Variants in ADGRV1 observed in about 807,000 individuals in gnomAD.
ADGRV1 encodes adhesion G protein-coupled receptor V1.
Under a neutral mutation model 596.2 loss-of-function variants are expected in ADGRV1, and 359 were observed. The observed-to-expected ratio is 0.60, with a 90% CI of 0.55 to 0.66. ADGRV1 has a LOEUF of 0.66. Ranked by LOEUF, ADGRV1 falls within the 30% of genes least tolerant of loss-of-function variation. The probability of loss-of-function intolerance (pLI) is 0.00; values close to 1 mark genes in which losing one functional copy is unlikely to be tolerated. For missense variants in ADGRV1, 7,274 were observed against 7,575.6 expected, an observed-to-expected ratio of 0.96 and a Z score of 1.48; for synonymous variants, 2,681 against 2,679.2, an observed-to-expected ratio of 1.00 and a Z score of -0.02.
At chr5:90,906,515 A>G (rs1772339664) in intron 83 of ADGRV1, among the ~76,000 whole-genome samples, 2 of 152,252 alleles carry the variant, frequency 1.3e-5, no homozygotes, top group East Asian at 1.9e-4. Context: ...ATTGGCATAT[A>G]GTTTCTCATA....
In ADGRV1 at chr5:90,840,845, G is replaced by A. The variant is rs746252159; in HGVS notation, c.16879G>A (p.Ala5627Thr). Residue 5627 changes from alanine (A) to threonine (T), a missense_variant, in exon 78 of 90, where the codon GCC (alanine) becomes ACC (threonine). By Grantham distance (58) the Ala-to-Thr change is moderately conservative. Transcript: ENST00000405460. ...TCTTGTCTCAGATGCAGATTCGCAGGCCATTTGGGGGCTTGCAGATCAGCT... is the reference window on the plus strand; with the variant it reads ...TCTTGTCTCAGATGCAGATTCGCAGACCATTTGGGGGCTTGCAGATCAGCT... ...ITLVSDADSQ[A>T]IWGLADQLHQ... is the part of the protein sequence containing the mutation. 1 of 1,613,176 alleles carries A rather than the reference G, an allele frequency of 6.2e-7. No individual in the cohort carries two copies. The highest frequency in any genetic ancestry group is 2.2e-5 in the East Asian group (1 of 44,872).
At chr5:91,108,234 C>T (rs2126678572) in intron 87 of ADGRV1, among the ~76,000 whole-genome samples, 1 of 152,242 alleles carries the variant, frequency 6.6e-6, no homozygotes, top group African/African-American at 2.4e-5. Flanking sequence ...TTAGGCATTT[C>T]CATGGAATAT....
intron 59 of ADGRV1, among the ~76,000 whole-genome samples, chr5:90,764,145 G>A (rs1023285549): frequency 2.0e-5 from 3 of 152,140 alleles, no homozygotes; most frequent in South Asian, 2.1e-4. Flanking sequence ...CTTCCCTCTC[G>A]TGCCCGTGTT....
At chr5:90,973,676 A>T (rs1335383684) in intron 84 of ADGRV1, among the ~76,000 whole-genome samples, 1 of 152,194 alleles carries the variant, frequency 6.6e-6, no homozygotes, top group Non-Finnish European at 1.5e-5. Context: ...AACTCTCAAT[A>T]AGTTAGGTAT....
intron 43 of ADGRV1, among the ~76,000 whole-genome samples, chr5:90,719,275 A>C (rs1273732089): frequency 6.6e-6 from 1 of 152,064 alleles, no homozygotes; most frequent in Non-Finnish European, 1.5e-5. Context: ...CAGTGAACAG[A>C]GTGCCACTGC....
intron 84 of ADGRV1, among the ~76,000 whole-genome samples, chr5:90,984,426 A>C (rs1052509363): frequency 2.4e-4 from 36 of 152,160 alleles, no homozygotes; most frequent in Non-Finnish European, 5.3e-4. Context: ...TAGGTGTGGG[A>C]TTTGGAGCCA....
At chr5:90,655,276 A>G (rs1769237833) in intron 20 of ADGRV1, 1 of 152,158 alleles carries the variant, frequency 6.6e-6, no homozygotes, top group Non-Finnish European at 1.5e-5. Flanking sequence ...TTTTAAATTT[A>G]TATAAATAGA....
intron 29 of ADGRV1, among the ~76,000 whole-genome samples, chr5:90,688,153 A>G (rs1745940692): frequency 6.6e-6 from 1 of 152,150 alleles, no homozygotes; most frequent in Non-Finnish European, 1.5e-5. Flanking sequence ...CTATACTACA[A>G]GGCTACAGTA....
intron 74 of ADGRV1, among the ~76,000 whole-genome samples, chr5:90,813,167 T>TAAAAAAAA (rs1561786626): frequency 6.7e-5 from 7 of 104,330 alleles, no homozygotes; most frequent in South Asian, 3.2e-4. Context: ...AAAAAAAATT[T>TAAAAAAAA]ATTTGGCAGT....
At chr5:91,082,548 A>T (rs928755954) in intron 86 of ADGRV1, among the ~76,000 whole-genome samples, 14 of 152,186 alleles carry the variant, frequency 9.2e-5, no homozygotes, top group African/African-American at 3.4e-4. Context: ...TAAAAAATGG[A>T]TGACCGAAGT....
chr5:90,558,797 G>A lies in ADGRV1; in HGVS notation c.-99G>A. 1 of 1,164,592 alleles carries A rather than the reference G, an allele frequency of 8.6e-7. No individual in the cohort carries two copies. The highest frequency in any genetic ancestry group is 2.5e-5 in the East Asian group (1 of 39,296). 72.1% of individuals were successfully genotyped at this position (1,164,592 alleles called of 1,614,324 possible). A position where few individuals can be genotyped will look rare whatever the true frequency, so the allele number is the denominator to read the frequency against. On this transcript the variant is annotated 5_prime_UTR_variant, in exon 1 of 90. Transcript: ENST00000405460. ...GGAGCCCTCCTCCTGATCCTGTAGT[G>A]GTAGTAAGAATCAGCAGCGCGGGCA...
At chr5:90,971,267 A>G (rs1191934927) in intron 84 of ADGRV1, among the ~76,000 whole-genome samples, 1 of 152,236 alleles carries the variant, frequency 6.6e-6, no homozygotes, top group East Asian at 1.9e-4. Context: ...CCAAGTTGGA[A>G]AACACTTTGC....
intron 86 of ADGRV1, among the ~76,000 whole-genome samples, chr5:91,076,918 T>C (rs912092960): frequency 8.5e-5 from 13 of 152,176 alleles, no homozygotes; most frequent in African/African-American, 2.9e-4. Context: ...CGTGCAGGTT[T>C]GTTACATAGG....
chr5:91,003,471 C>T (rs966209273), intron 85 of ADGRV1, among the ~76,000 whole-genome samples: 8 of 152,134 alleles, frequency 5.3e-5, no homozygotes, highest in African/African-American at 1.9e-4. Flanking sequence ...ATATGACTAT[C>T]TGACAGTTTC....
intron 1 of ADGRV1, among the ~76,000 whole-genome samples, chr5:90,610,161 T>C (rs1762566671): frequency 6.6e-6 from 1 of 151,952 alleles, no homozygotes; most frequent in Non-Finnish European, 1.5e-5. Context: ...TGAGTCAAGA[T>C]GGGAGGAAGG....
chr5:90,707,582 T>C (rs1239410182), intron 38 of ADGRV1, among the ~76,000 whole-genome samples: 1 of 152,202 alleles, frequency 6.6e-6, no homozygotes. Flanking sequence ...GGTAATATTA[T>C]GTCAGTATAT....
Position 90,643,057 on chromosome 5 carries a change from T to C in ADGRV1, c.2553+16T>C. On this transcript the variant is annotated intron_variant, in intron 13 of 89. Transcript: ENST00000405460. ...GATACCAGAGGTATGGGATTTTATATTTTCTTTGTGTTTCTCTGTAAGATT... is the reference window on the plus strand; with the variant it reads ...GATACCAGAGGTATGGGATTTTATACTTTCTTTGTGTTTCTCTGTAAGATT... 1 of 1,599,170 alleles carries C rather than the reference T, an allele frequency of 6.3e-7. No individual in the cohort carries two copies. The highest frequency in any genetic ancestry group is 8.6e-7 in the Non-Finnish European group (1 of 1,167,204).
At chr5:90,649,972 T>C (rs1229713868) in intron 17 of ADGRV1, among the ~76,000 whole-genome samples, 2 of 152,218 alleles carry the variant, frequency 1.3e-5, no homozygotes, top group East Asian at 1.9e-4. Flanking sequence ...TTAATATTTT[T>C]CCAGAAATGA....
In ADGRV1 at chr5:90,658,008, A is replaced by C; in HGVS notation, c.4482A>C (p.Glu1494Asp). Reference protein sequence around the residue: ...RSYERKLTLEEIYELHAMPAK... With the variant: ...RSYERKLTLEDIYELHAMPAK... ...ATGAGCGGAAACTGACGCTTGAAGA[A>C]ATTTATGAACTTCATGCCATGCCCG... The change falls in exon 21 of 90, where the codon GAA becomes GAC. Residue 1494 changes from glutamate to aspartate, a missense_variant. Transcript: ENST00000405460. 6.2e-7 allele frequency: 1 copy of C among 1,613,972 alleles called. No individual in the cohort carries two copies. The highest frequency in any genetic ancestry group is 8.5e-7 in the Non-Finnish European group (1 of 1,179,870).
Sources: gnomAD v4.1 joint callset for allele counts (sites outside exome capture counted in the v4.1 genomes callset) on GRCh38, gnomAD v4.1.1 for gene constraint, MANE v1.5 for transcripts, NCBI Gene and HGNC (gene_info 2026-07-23, HGNC 2026-07-21) for gene names.